The following MPP7 variants were observed in gnomAD, a reference collection of about 807,000 sequenced individuals.
MPP7 encodes the protein MAGUK p55 scaffold protein 7.
Under a neutral mutation model 76.5 loss-of-function variants are expected in MPP7, and 60 were observed. The observed-to-expected ratio is 0.78, with a 90% CI of 0.64 to 0.97. The LOEUF is 0.97. MPP7 is among the 50% of genes least tolerant of loss of function. The pLI, the probability that MPP7 is intolerant of heterozygous loss-of-function variation, is 0.00. For synonymous variants in MPP7, 237 were observed against 244.5 expected (o/e 0.97, Z 0.29); for missense variants, 641 against 694.0 (o/e 0.92, Z 0.86).
At chr10:28,182,789 C>G (rs77547448) in intron 3 of MPP7, among the ~76,000 whole-genome samples, 1,939 of 152,232 alleles carry the variant, frequency 0.013, 48 homozygotes, top group African/African-American at 0.043. Context: ...AGCAAAAGAG[C>G]AAATTGAGCC....
intron 1 of MPP7, among the ~76,000 whole-genome samples, chr10:28,288,470 G>A (rs1328377886): frequency 1.7e-4 from 26 of 152,040 alleles, no homozygotes; most frequent in Non-Finnish European, 1.5e-5. Flanking sequence ...CGAACTCCTG[G>A]CCTCAAGTGA....
At chr10:28,321,596 T>C (rs1310193532) in intron 2 of MPP7, among the ~76,000 whole-genome samples, 6 of 152,138 alleles carry the variant, frequency 3.9e-5, no homozygotes. Context: ...TTTTTTGTTT[T>C]TGTTTTTGAG....
chr10:28,266,603 T>C (rs1477024862), intron 1 of MPP7, among the ~76,000 whole-genome samples: 1 of 152,154 alleles, frequency 6.6e-6, no homozygotes, highest in Non-Finnish European at 1.5e-5. Context: ...AGTGAATGCA[T>C]GGATAACACA....
chr10:28,281,591 T>G (rs576090744), intron 1 of MPP7, among the ~76,000 whole-genome samples: 9 of 152,210 alleles, frequency 5.9e-5, no homozygotes, highest in African/African-American at 2.2e-4. Context: ...AAACAGCTTT[T>G]TTAGGGTATT....
chr10:28,202,031 G>T, intron 3 of MPP7, 122 bp downstream of exon 3: 2 of 700,112 alleles, frequency 2.9e-6, no homozygotes, highest in Middle Eastern at 2.5e-4. Context: ...GCCCGTCGGT[G>T]AATGGAACAA....
intron 2 of MPP7, among the ~76,000 whole-genome samples, chr10:28,223,994 G>C (rs7095438): frequency 0.01 from 1,550 of 151,366 alleles, 26 homozygotes; most frequent in African/African-American, 0.035. Flanking sequence ...TCAGGAGTTC[G>C]AGACCAGCCT....
intron 11 of MPP7, among the ~76,000 whole-genome samples, chr10:28,095,036 A>G (rs113888219): frequency 1.8e-3 from 277 of 152,080 alleles, no homozygotes; most frequent in African/African-American, 6.4e-3. Flanking sequence ...GTCTTCATAG[A>G]TTCTCTTTCT....
intron 1 of MPP7, among the ~76,000 whole-genome samples, chr10:28,259,396 T>C (rs1184427953): frequency 2.6e-5 from 4 of 151,850 alleles, no homozygotes; most frequent in Non-Finnish European, 5.9e-5. Flanking sequence ...CTGGGCAACA[T>C]GGTGAAACCC....
At chr10:28,285,188 C>A (rs1840763800) in intron 1 of MPP7, among the ~76,000 whole-genome samples, 1 of 152,092 alleles carries the variant, frequency 6.6e-6, no homozygotes, top group Non-Finnish European at 1.5e-5. Context: ...ATTTAACCTA[C>A]CTTTTCTTTT....
At chr10:28,299,261 G>A (rs560980490) in intron 1 of MPP7, among the ~76,000 whole-genome samples, 14 of 152,212 alleles carry the variant, frequency 9.2e-5, no homozygotes, top group South Asian at 4.2e-4. Flanking sequence ...TGGGAGACAC[G>A]CGACTCTCCA....
intron 13 of MPP7, among the ~76,000 whole-genome samples, chr10:28,069,056 G>C (rs1324707379): frequency 2.0e-5 from 3 of 152,108 alleles, no homozygotes; most frequent in Non-Finnish European, 4.4e-5. Flanking sequence ...TGAGTGCTCA[G>C]AACAGTGCTT....
chr10:28,057,378 T>C (rs756946540), intron 15 of MPP7, among the ~76,000 whole-genome samples: 17 of 152,150 alleles, frequency 1.1e-4, no homozygotes, highest in Non-Finnish European at 1.9e-4. Flanking sequence ...CCATCCCCCT[T>C]GGTGCTGTCA....
chr10:28,275,456 G>A (rs966270085), intron 1 of MPP7, among the ~76,000 whole-genome samples: 3 of 151,258 alleles, frequency 2.0e-5, no homozygotes, highest in Admixed American at 2.0e-4. Flanking sequence ...ACCCAGGCTG[G>A]AGTGCAATGG....
intron 3 of MPP7, among the ~76,000 whole-genome samples, chr10:28,174,088 C>T (rs1434118415): frequency 6.6e-6 from 1 of 152,286 alleles, no homozygotes; most frequent in East Asian, 1.9e-4. Flanking sequence ...ACCACTACAG[C>T]CCCCAAAGTG....
intron 3 of MPP7, among the ~76,000 whole-genome samples, chr10:28,177,560 A>G (rs2133894261): frequency 6.6e-6 from 1 of 152,330 alleles, no homozygotes; most frequent in Non-Finnish European, 1.5e-5. Context: ...CTGTACAATG[A>G]TAAGAAAATG....
chr10:28,277,247 C>G lies in MPP7; in HGVS notation c.-132+25614G>C, dbSNP rs999882088. 5.3e-5 allele frequency among the ~76,000 whole-genome samples: 8 copies of G among 151,900 alleles called. No homozygotes were observed. In the East Asian group the frequency reaches 1.4e-3, roughly 26 times the overall value. ...ATCATCTAAATACCATTACTACTGTCTCAGTTTACTTATGAGGGAACTGAG... is the reference window on the plus strand; with the variant it reads ...ATCATCTAAATACCATTACTACTGTGTCAGTTTACTTATGAGGGAACTGAG... On this transcript the variant is annotated intron_variant, in intron 1 of 16. Transcript: ENST00000683449.
chr10:28,157,547 GC>G (rs1057154427), intron 3 of MPP7, among the ~76,000 whole-genome samples: 2 of 152,206 alleles, frequency 1.3e-5, no homozygotes, highest in Non-Finnish European at 2.9e-5. Flanking sequence ...CCCTTTGGTG[GC>G]TTGCCATTGC....
chr10:28,312,011 C>T (rs928521666), intron 2 of MPP7, among the ~76,000 whole-genome samples: 2 of 152,058 alleles, frequency 1.3e-5, no homozygotes, highest in East Asian at 1.9e-4. Context: ...AGCAGGTTTA[C>T]GGTCTGGCTG....
At chr10:28,252,879 CT>C (rs1439095626) in intron 1 of MPP7, among the ~76,000 whole-genome samples, 2 of 151,946 alleles carry the variant, frequency 1.3e-5, no homozygotes, top group African/African-American at 2.4e-5. Context: ...TCTCTGTGTC[CT>C]AGAAAGGGTC....
Sources: allele counts gnomAD v4.1 joint callset (sites outside exome capture counted in the v4.1 genomes callset), GRCh38; gene constraint gnomAD v4.1.1; transcripts MANE v1.5; gene names NCBI Gene and HGNC (gene_info 2026-07-23, HGNC 2026-07-21).